Variants in SLC9A3 observed in about 807,000 individuals in gnomAD.
SLC9A3 encodes the protein solute carrier family 9 member A3, also known as sodium/hydrogen exchanger 3.
Under a neutral mutation model 86.8 loss-of-function variants are expected in SLC9A3, and 37 were observed. The ratio of observed to expected loss-of-function variants is 0.43; its 90% CI spans 0.33 to 0.56. The LOEUF (loss-of-function observed/expected upper bound fraction) is 0.56. SLC9A3 is among the 20% of genes least tolerant of loss of function. The pLI, the probability that SLC9A3 is intolerant of heterozygous loss-of-function variation, is 0.06. For missense variants in SLC9A3, 1,011 were observed against 1,171.9 expected (o/e 0.86, Z 2.00); for synonymous variants, 581 against 528.3 (o/e 1.10, Z -1.37).
intron 1 of SLC9A3, among the ~76,000 whole-genome samples, chr5:492,900 GGGT>G (rs1739854036): frequency 6.6e-6 from 1 of 152,132 alleles, no homozygotes; most frequent in Admixed American, 6.5e-5. Flanking sequence ...CCCCTGGGTG[GGGT>G]GTTCTAGGAA....
intron 1 of SLC9A3, among the ~76,000 whole-genome samples, chr5:521,884 A>C (rs1733893470): frequency 6.6e-6 from 1 of 151,978 alleles, no homozygotes; most frequent in African/African-American, 2.4e-5. Context: ...GGAAGCACAC[A>C]GGGAGGGCTG....
chr5:508,639 G>A (rs1390290652), intron 1 of SLC9A3, among the ~76,000 whole-genome samples: 1 of 150,106 alleles, frequency 6.7e-6, no homozygotes, highest in African/African-American at 2.5e-5. Flanking sequence ...AGATGCCGCG[G>A]GGAGACACAG....
intron 5 of SLC9A3, 69 bp downstream of exon 5, chr5:484,451 G>A (rs1739368779): frequency 6.7e-7 from 1 of 1,491,802 alleles, no homozygotes; most frequent in South Asian, 1.2e-5. Flanking sequence ...CGCCCTGCCG[G>A]ACCCAGGAGG....
chr5:492,022 C>G lies in SLC9A3; in HGVS notation c.261G>C (p.Leu87=). The G allele has an allele frequency of 6.3e-7, 1 of 1,577,812 alleles. No homozygotes were observed. The highest frequency in any genetic ancestry group is 8.6e-7 in the Non-Finnish European group (1 of 1,160,530). The change falls in exon 2 of 17, where the codon CTG becomes CTC. Residue 87 remains leucine, a synonymous_variant. Transcript: ENST00000264938. ...KVTSVVPESA[L]LIVLGLVLGG... is the part of the protein sequence containing the mutation. ...CCAGCACCAGGCCCAGCACGATGAG[C>G]AGGGCGCTCTCGGGAACCACGCTGG...
chr5:519,007 C>T (rs1733810678), intron 1 of SLC9A3, among the ~76,000 whole-genome samples: 1 of 152,192 alleles, frequency 6.6e-6, no homozygotes, highest in Non-Finnish European at 1.5e-5. Context: ...CGGGCGACAC[C>T]TTAGCTCCAA....
In SLC9A3 at chr5:482,662, C is replaced by T. The variant is rs1739264591; in HGVS notation, c.1242G>A (p.Leu414=). Residue 414 remains leucine, a synonymous_variant, in exon 7 of 17, where the codon CTG becomes CTA. Transcript: ENST00000264938. ...CCAGGGCAAAGGCCACGGCCCCGCG[C>T]AGGCCCCCGTAGGACAGGACCACCT... ...IDQVVLSYGG[L]RGAVAFALVV... The T allele has an allele frequency of 5.0e-6, 8 of 1,612,540 alleles. No homozygotes were observed. The highest frequency in any genetic ancestry group is 3.3e-5 in the South Asian group (3 of 91,078).
chr5:499,594 C>T (rs373210895), intron 1 of SLC9A3, among the ~76,000 whole-genome samples: 2 of 152,232 alleles, frequency 1.3e-5, no homozygotes, highest in South Asian at 2.1e-4. Context: ...CATGCTGGGC[C>T]GTCCTTCCTT....
intron 7 of SLC9A3, 61 bp from the exon 8 acceptor site, chr5:482,218 C>T: frequency 7.6e-7 from 1 of 1,309,380 alleles, no homozygotes; most frequent in African/African-American, 1.5e-5. Context: ...GCTGGCCCGG[C>T]CAGGTGCACC....
intron 1 of SLC9A3, among the ~76,000 whole-genome samples, chr5:512,108 G>C (rs1217609553): frequency 6.6e-6 from 1 of 152,256 alleles, no homozygotes; most frequent in South Asian, 2.1e-4. Context: ...GTTAGGGGGA[G>C]AGAGGGATGA....
chr5:524,270 G>A lies in SLC9A3; in HGVS notation c.53C>T (p.Ala18Val), dbSNP rs1733971657. 2.2e-6 allele frequency: 3 copies of A among 1,363,730 alleles called. No homozygotes were observed. Among genetic ancestry groups the A allele is most frequent in the African/African-American group, 1.5e-5 (1 of 64,952 alleles). The allele number at this position is 1,363,730 out of a possible 1,614,324, so 84.5% of individuals were successfully genotyped here. A position where few individuals can be genotyped will look rare whatever the true frequency, so the allele number is the denominator to read the frequency against. Residue 18 changes from alanine to valine, a missense_variant, in exon 1 of 17, where the codon GCG (alanine) becomes GTG (valine). Transcript: ENST00000264938. ...GPDRGLLLALALGGLARAGGV... is the reference protein window; with the variant it reads ...GPDRGLLLALVLGGLARAGGV... ...CCCGGCCCGCGCCAGCCCGCCCAGC[G>A]CCAGCGCCAGCAGCAGCCCCCGGTC...
chr5:514,841 C>T (rs10475279), intron 1 of SLC9A3, among the ~76,000 whole-genome samples: 51,635 of 152,158 alleles, frequency 0.34, 10,092 homozygotes, highest in African/African-American at 0.54. Context: ...GCAGGTTCCC[C>T]GATCCACCAG....
chr5:482,487 G>A lies in SLC9A3; in HGVS notation c.1356+61C>T, dbSNP rs561122895. 1.7e-5 allele frequency: 24 copies of A among 1,371,760 alleles called. 1 individual carries two copies. The highest frequency in any genetic ancestry group is 6.9e-5 in the East Asian group (3 of 43,382). The allele number at this position is 1,371,760 out of a possible 1,614,324, so 85.0% of individuals were successfully genotyped here. A position where few individuals can be genotyped will look rare whatever the true frequency, so the allele number is the denominator to read the frequency against. ...CCTGGAAATGCTTGTCCTGAAGTGC[G>A]GGCCCAGGCTCCCCTCGCGGGCGGG... On this transcript the variant is annotated intron_variant, in intron 7 of 16. Coordinates refer to ENST00000264938, the MANE Select transcript of SLC9A3 (RefSeq NM_004174.4).
At chr5:514,928 C>A (rs917737076) in intron 1 of SLC9A3, among the ~76,000 whole-genome samples, 5 of 152,160 alleles carry the variant, frequency 3.3e-5, no homozygotes, top group Non-Finnish European at 5.9e-5. Flanking sequence ...CAGAAGGGGA[C>A]CCTGGCTCTG....
chr5:494,857 G>A (rs536079151), intron 1 of SLC9A3, among the ~76,000 whole-genome samples: 38 of 152,322 alleles, frequency 2.5e-4, no homozygotes, highest in Middle Eastern at 3.4e-3. Flanking sequence ...CACCCAGGCC[G>A]CTGTTTTCTA....
chr5:499,418 G>A (rs962163908), intron 1 of SLC9A3, among the ~76,000 whole-genome samples: 19 of 152,356 alleles, frequency 1.2e-4, no homozygotes, highest in South Asian at 2.1e-4. Flanking sequence ...GGGCCACCCC[G>A]CTTTCTGGGG....
intron 1 of SLC9A3, among the ~76,000 whole-genome samples, chr5:508,588 G>A (rs1217626461): frequency 2.0e-5 from 3 of 146,962 alleles, no homozygotes; most frequent in African/African-American, 7.6e-5. Flanking sequence ...CGGGGATGGA[G>A]ATGCCGCAGG....
In SLC9A3 at chr5:473,345, C is replaced by T. The variant is rs760193299; in HGVS notation, c.*34G>A. On this transcript the variant is annotated 3_prime_UTR_variant, in exon 17 of 17. Coordinates refer to ENST00000264938, the MANE Select transcript of SLC9A3 (RefSeq NM_004174.4). ...CGGTGGGCGGACCGTGGCGCGGGGA[C>T]GAGCGGCCGGTTAGCGGCGTGTCGG... 1.2e-5 allele frequency: 17 copies of T among 1,415,410 alleles called. No individual in the cohort carries two copies. In the South Asian group the frequency reaches 1.7e-4, roughly 15 times the overall value. 87.7% of individuals were successfully genotyped at this position (1,415,410 alleles called of 1,614,324 possible). A position where few individuals can be genotyped will look rare whatever the true frequency, so the allele number is the denominator to read the frequency against.
Position 475,646 on chromosome 5 carries a change from C to T in SLC9A3, c.2166G>A (p.Glu722=). 1 of 1,551,152 alleles carries T rather than the reference C, an allele frequency of 6.4e-7. No individual in the cohort carries two copies. Among genetic ancestry groups the T allele is most frequent in the Non-Finnish European group, 8.7e-7 (1 of 1,146,252 alleles). ...EKDLELSDTE[E]PPNYDEEMSG... ...TCATCTCCTCATCATAGTTGGGGGG[C>T]TCCTCGGTGTCTGAAAGTTCCAAGT... The change falls in exon 15 of 17, where the codon GAG becomes GAA. Residue 722 remains glutamate, a synonymous_variant. Transcript: ENST00000264938.
intron 1 of SLC9A3, among the ~76,000 whole-genome samples, chr5:514,434 C>T (rs1261529047): frequency 1.3e-5 from 2 of 152,236 alleles, no homozygotes; most frequent in East Asian, 3.9e-4. Context: ...GCTGGCTCCC[C>T]CTTCCTGGGG....
Sources: allele counts gnomAD v4.1 joint callset (sites outside exome capture counted in the v4.1 genomes callset), GRCh38; gene constraint gnomAD v4.1.1; transcripts MANE v1.5; gene names NCBI Gene and HGNC (gene_info 2026-07-23, HGNC 2026-07-21).